SRGAP1: variants seen among roughly 807,000 people sequenced by gnomAD.
The protein encoded by SRGAP1 is SLIT-ROBO Rho GTPase-activating protein 1.
A neutral mutation model predicts 121.9 loss-of-function variants in SRGAP1; 43 were observed. The observed-to-expected ratio is 0.35, with a 90% CI of 0.28 to 0.46. SRGAP1 has a LOEUF of 0.46. Among genes scored for constraint, SRGAP1 ranks in the 20% least tolerant of loss-of-function variants. SRGAP1 has a pLI of 1.00. For missense variants in SRGAP1, 1,102 were observed against 1,350.9 expected, an observed-to-expected ratio of 0.82 and a Z score of 2.89; for synonymous variants, 447 against 485.4, an observed-to-expected ratio of 0.92 and a Z score of 1.04.
chr12:63,986,374 T>C (rs752467021), intron 2 of SRGAP1, among the ~76,000 whole-genome samples: 12 of 152,188 alleles, frequency 7.9e-5, no homozygotes, highest in Non-Finnish European at 1.6e-4. Context: ...ACTTAACTGT[T>C]GCTTTTAAAA....
intron 10 of SRGAP1, among the ~76,000 whole-genome samples, chr12:64,084,470 G>A (rs1262821349): frequency 6.6e-6 from 1 of 152,082 alleles, no homozygotes; most frequent in African/African-American, 2.4e-5. Context: ...TTCTAAGCTT[G>A]TGTGTTATTG....
intron 1 of SRGAP1, among the ~76,000 whole-genome samples, chr12:63,950,475 A>G (rs567825123): frequency 6.6e-6 from 1 of 151,320 alleles, no homozygotes; most frequent in Admixed American, 6.6e-5. Flanking sequence ...ATTAGAGTCC[A>G]TCTCTGTTTT....
rs186358122 is a variant in SRGAP1, at chr12:63,923,870, T to C, written c.68-60077T>C. ...AAAAAGGTATGAGCTCAGCTGGGCATGGTGGCTCACGCCTGTAATCCCGCA... is the reference window on the plus strand; with the variant it reads ...AAAAAGGTATGAGCTCAGCTGGGCACGGTGGCTCACGCCTGTAATCCCGCA... On this transcript the variant is annotated intron_variant, in intron 1 of 21. Coordinates refer to ENST00000355086, the MANE Select transcript of SRGAP1 (RefSeq NM_020762.4). 3.9e-3 allele frequency among the ~76,000 whole-genome samples: 601 copies of C among 152,346 alleles called. 3 individuals are homozygous for C. Among genetic ancestry groups the C allele is most frequent in the African/African-American group, 0.013 (536 of 41,590 alleles).
At chr12:63,885,882 T>C (rs1226646153) in intron 1 of SRGAP1, among the ~76,000 whole-genome samples, 1 of 152,184 alleles carries the variant, frequency 6.6e-6, no homozygotes, top group Non-Finnish European at 1.5e-5. Flanking sequence ...AGACCAACTT[T>C]CACTTTTCTC....
intron 1 of SRGAP1, among the ~76,000 whole-genome samples, chr12:63,968,035 T>G (rs2032837119): frequency 6.6e-6 from 1 of 152,208 alleles, no homozygotes. Context: ...GCATCCAAGT[T>G]ACAAATACAT....
chr12:63,901,563 C>T (rs1013158366), intron 1 of SRGAP1, among the ~76,000 whole-genome samples: 1 of 152,206 alleles, frequency 6.6e-6, no homozygotes, highest in African/African-American at 2.4e-5. Flanking sequence ...GCTCCATAAT[C>T]TTGGCCTATC....
chr12:64,041,502 A>C (rs1437281069), intron 4 of SRGAP1, among the ~76,000 whole-genome samples: 1 of 151,796 alleles, frequency 6.6e-6, no homozygotes, highest in Non-Finnish European at 1.5e-5. Flanking sequence ...CCCTCGCCCC[A>C]GCCTCCCAAG....
chr12:64,029,338 T>C (rs1229288812), intron 4 of SRGAP1, among the ~76,000 whole-genome samples: 1 of 152,222 alleles, frequency 6.6e-6, no homozygotes, highest in Non-Finnish European at 1.5e-5. Flanking sequence ...ATTATTTTTA[T>C]TGCATCCAAG....
In SRGAP1 at chr12:64,066,841, T is replaced by C. The variant is rs553102870; in HGVS notation, c.1125+1622T>C. Among the ~76,000 whole-genome samples, 5 of 152,348 alleles carry C rather than the reference T, an allele frequency of 3.3e-5. No individual in the cohort carries two copies. In the South Asian group the frequency reaches 1.0e-3, roughly 32 times the overall value. On this transcript the variant is annotated intron_variant, in intron 8 of 21. Coordinates refer to ENST00000355086, the MANE Select transcript of SRGAP1 (RefSeq NM_020762.4). ...TCACAAAATACCTAATGCAGTTTAC[T>C]GGATCCTATTCTATCTACAGTTTGT...
intron 1 of SRGAP1, among the ~76,000 whole-genome samples, chr12:63,931,689 G>T (rs2031481537): frequency 6.6e-6 from 1 of 152,172 alleles, no homozygotes; most frequent in Admixed American, 6.5e-5. Context: ...AGGCCAAAAG[G>T]CTGTGTGTTC....
chr12:63,967,525 C>T (rs1396016607), intron 1 of SRGAP1, among the ~76,000 whole-genome samples: 2 of 152,154 alleles, frequency 1.3e-5, no homozygotes, highest in Non-Finnish European at 2.9e-5. Flanking sequence ...AACCAGTGGA[C>T]GAGTTCTTAT....
chr12:63,935,677 A>G (rs73115806), intron 1 of SRGAP1, among the ~76,000 whole-genome samples: 5,831 of 152,340 alleles, frequency 0.038, 117 homozygotes, highest in Non-Finnish European at 0.047. Context: ...AAGCTTTCTT[A>G]TAAGTATTGG....
rs1240542668 is a variant in SRGAP1 at position 63,844,901 on chromosome 12, T to C, written c.67+18T>C. The stretch of plus-strand genomic sequence containing the variant: ...AGTCAAAGGTAAGGATGGGAGCGGC[T>C]GCCTTGCTCCTTTTGTGTGCCTTCT... On this transcript the variant is annotated intron_variant, in intron 1 of 21. Transcript: ENST00000355086. The surrounding 1 kb of genome is among the most constrained non-coding windows in gnomAD (Gnocchi z 4.3). 1.2e-6 allele frequency: 2 copies of C among 1,612,178 alleles called. No individual in the cohort carries two copies. Among genetic ancestry groups the C allele is most frequent in the South Asian group, 1.1e-5 (1 of 91,038 alleles).
chr12:64,141,582 G>C (rs528298082), intron 21 of SRGAP1, among the ~76,000 whole-genome samples: 7 of 152,132 alleles, frequency 4.6e-5, no homozygotes, highest in African/African-American at 9.6e-5. Flanking sequence ...TGCATCTTGG[G>C]GGGGGAAAAA....
At chr12:63,855,343 C>G (rs1899203008) in intron 1 of SRGAP1, among the ~76,000 whole-genome samples, 1 of 152,006 alleles carries the variant, frequency 6.6e-6, no homozygotes, top group African/African-American at 2.4e-5. Flanking sequence ...GTTACATGGC[C>G]ACATCTTGCT....
intron 3 of SRGAP1, among the ~76,000 whole-genome samples, chr12:63,996,247 A>G (rs752807245): frequency 9.2e-5 from 14 of 152,060 alleles, no homozygotes; most frequent in Non-Finnish European, 1.9e-4. Context: ...ACATATACTT[A>G]AATATATATG....
chr12:64,117,762 G>A (rs1157861431), intron 18 of SRGAP1, among the ~76,000 whole-genome samples: 2 of 151,992 alleles, frequency 1.3e-5, no homozygotes, highest in African/African-American at 4.8e-5. Context: ...CCCATTTCCC[G>A]CTTCCCCCAG....
intron 1 of SRGAP1, among the ~76,000 whole-genome samples, chr12:63,950,047 G>A (rs1393922280): frequency 6.6e-6 from 1 of 152,196 alleles, no homozygotes; most frequent in Non-Finnish European, 1.5e-5. Flanking sequence ...CATTTTAACT[G>A]GTTATCAGAC....
intron 1 of SRGAP1, among the ~76,000 whole-genome samples, chr12:63,896,759 A>G (rs1007922602): frequency 7.2e-5 from 11 of 152,334 alleles, no homozygotes; most frequent in South Asian, 2.1e-4. Flanking sequence ...ACGCTGGCCC[A>G]TGAGCCATCA....
Sources: allele counts gnomAD v4.1 joint callset (sites outside exome capture counted in the v4.1 genomes callset), GRCh38; gene constraint gnomAD v4.1.1; non-coding constraint Gnocchi (gnomAD v3.1); transcripts MANE v1.5; gene names NCBI Gene and HGNC (gene_info 2026-07-23, HGNC 2026-07-21).